The following ADGRB1 variants were observed in gnomAD, a reference collection of about 807,000 sequenced individuals.
ADGRB1 encodes the protein brain-specific angiogenesis inhibitor 1.
Under a neutral mutation model 175.7 loss-of-function variants are expected in ADGRB1, and 36 were observed. The ratio of observed to expected loss-of-function variants is 0.20; its 90% CI spans 0.16 to 0.27. ADGRB1 has a LOEUF of 0.27. Ranked by LOEUF, ADGRB1 falls within the 10% of genes least tolerant of loss-of-function variation. ADGRB1 has a pLI of 1.00. For synonymous variants in ADGRB1, 1,054 were observed against 979.4 expected (o/e 1.08, Z -1.42); for missense variants, 1,731 against 2,255.3 (o/e 0.77, Z 4.71).
intron 24 of ADGRB1, among the ~76,000 whole-genome samples, chr8:142,528,556 C>A (rs772718055): frequency 6.6e-6 from 1 of 152,048 alleles, no homozygotes; most frequent in East Asian, 1.9e-4. Flanking sequence ...CAGCCGTCCC[C>A]GCACCCCCTC....
At chr8:142,539,161 C>T (rs1413915016) in intron 26 of ADGRB1, among the ~76,000 whole-genome samples, 2 of 152,168 alleles carry the variant, frequency 1.3e-5, no homozygotes, top group African/African-American at 2.4e-5. Context: ...CGCATACACT[C>T]ACACACGCAT....
Position 142,464,914 on chromosome 8 carries a change from C to A in ADGRB1, c.716C>A (p.Ala239Glu). 6.5e-7 allele frequency: 1 copy of A among 1,529,060 alleles called. No homozygotes were observed. The highest frequency in any genetic ancestry group is 8.7e-7 in the Non-Finnish European group (1 of 1,143,282). 94.7% of individuals were successfully genotyped at this position (1,529,060 alleles called of 1,614,324 possible). ...CGCGGGGATGTCTGCTTGAGAGATG[C>A]GGTGGCTGGTGGCCCTGAAAACTGC... is the stretch of plus-strand genomic sequence containing the variant. ...APRGDVCLRD[A>E]VAGGPENCLT... The change falls in exon 2 of 31, where the codon GCG becomes GAG. Residue 239 changes from alanine (A) to glutamate (E), a missense_variant. Physicochemically the swap from Ala to Glu is moderately radical, Grantham distance 107. Transcript: ENST00000517894.
At chr8:142,457,853 C>T (rs1408520332) in intron 1 of ADGRB1, among the ~76,000 whole-genome samples, 1 of 152,176 alleles carries the variant, frequency 6.6e-6, no homozygotes, top group Non-Finnish European at 1.5e-5. Context: ...GTCAGGGGCC[C>T]TGCCAGGACC....
intron 2 of ADGRB1, 54 bp downstream of exon 2, chr8:142,465,036 GC>G: frequency 6.1e-6 from 6 of 977,496 alleles, no homozygotes; most frequent in South Asian, 1.9e-5. Flanking sequence ...GACAGGGGAG[GC>G]GGGCAGACAG....
At chr8:142,494,853 T>G (rs1316733086) in intron 17 of ADGRB1, among the ~76,000 whole-genome samples, 1 of 151,762 alleles carries the variant, frequency 6.6e-6, no homozygotes, top group Non-Finnish European at 1.5e-5. Flanking sequence ...GGAATGGGGA[T>G]GCTAGGGAGG....
chr8:142,519,132 G>A (rs1002768124), intron 19 of ADGRB1, among the ~76,000 whole-genome samples: 6 of 152,134 alleles, frequency 3.9e-5, no homozygotes, highest in Non-Finnish European at 8.8e-5. Flanking sequence ...TCCTCTTCCC[G>A]GGACCTGCCT....
At chr8:142,472,778 A>G (rs1178477276) in intron 2 of ADGRB1, among the ~76,000 whole-genome samples, 1 of 152,188 alleles carries the variant, frequency 6.6e-6, no homozygotes, top group Admixed American at 6.5e-5. Flanking sequence ...ATCAGAGGTC[A>G]GTCTGTGATA....
intron 13 of ADGRB1, among the ~76,000 whole-genome samples, chr8:142,485,023 T>G (rs1356135916): frequency 6.6e-6 from 1 of 152,186 alleles, no homozygotes; most frequent in Non-Finnish European, 1.5e-5. Flanking sequence ...TGTACCCACC[T>G]GGGGCCAGAG....
At chr8:142,501,167 T>C (rs1181784303) in intron 17 of ADGRB1, among the ~76,000 whole-genome samples, 1 of 152,126 alleles carries the variant, frequency 6.6e-6, no homozygotes, top group Non-Finnish European at 1.5e-5. Flanking sequence ...CTGGTGACCA[T>C]GGGTGACCGG....
At chr8:142,488,994 TG>T in intron 14 of ADGRB1, 40 bp from the exon 15 acceptor site, 1 of 1,597,590 alleles carries the variant, frequency 6.3e-7, no homozygotes, top group African/African-American at 1.3e-5. Flanking sequence ...ACCCTGGCTG[TG>T]GGGATGGCGG....
At chr8:142,518,293 C>G in intron 19 of ADGRB1, 52 bp downstream of exon 19, 1 of 1,569,690 alleles carries the variant, frequency 6.4e-7, no homozygotes, top group Non-Finnish European at 8.7e-7. Context: ...CTGCATCACA[C>G]GCCTCTTCCC....
Position 142,511,810 on chromosome 8 carries a change from C to G in ADGRB1, c.2817+737C>G, listed in dbSNP as rs773132282. ...CACAGCCCTCTACTGGGGCCCAGGCCGAGGCCCAGGACAGCCCACAGAGCA... is the reference window on the plus strand; with the variant it reads ...CACAGCCCTCTACTGGGGCCCAGGCGGAGGCCCAGGACAGCCCACAGAGCA... On this transcript the variant is annotated intron_variant, in intron 18 of 30. Transcript: ENST00000517894. This position sits in a 1 kb window ranked among gnomAD's most constrained non-coding sequence, Gnocchi z 4.5. Among the ~76,000 whole-genome samples the G allele has an allele frequency of 1.3e-5, 2 of 152,188 alleles. No homozygotes were observed. The highest frequency in any genetic ancestry group is 6.5e-5 in the Admixed American group (1 of 15,294).
chr8:142,477,890 G>C (rs1841070863), intron 6 of ADGRB1, among the ~76,000 whole-genome samples: 1 of 145,848 alleles, frequency 6.9e-6, no homozygotes, highest in African/African-American at 2.6e-5. Flanking sequence ...GGTGGCCCCA[G>C]GGTGTTCTCA....
At chr8:142,465,347 A>AG (rs1247411195) in intron 2 of ADGRB1, among the ~76,000 whole-genome samples, 1 of 152,104 alleles carries the variant, frequency 6.6e-6, no homozygotes, top group Non-Finnish European at 1.5e-5. Context: ...TGGCTGGGAG[A>AG]GGGCCCGCCC....
At chr8:142,502,405 G>GTGA (rs1563719006) in intron 17 of ADGRB1, among the ~76,000 whole-genome samples, 5 of 83,102 alleles carry the variant, frequency 6.0e-5, no homozygotes, top group South Asian at 4.6e-4. Flanking sequence ...GGTGATGGTG[G>GTGA]TGGTGGTGGT....
intron 6 of ADGRB1, 87 bp downstream of exon 6, chr8:142,477,636 C>G: frequency 2.7e-6 from 4 of 1,483,808 alleles, no homozygotes; most frequent in Non-Finnish European, 3.6e-6. Flanking sequence ...AGGAGCCCAG[C>G]TTTGCCCACT....
At chr8:142,484,794 A>C in intron 13 of ADGRB1, 30 bp downstream of exon 13, 3 of 1,515,680 alleles carry the variant, frequency 2.0e-6, no homozygotes, top group Non-Finnish European at 2.7e-6. Flanking sequence ...GCCACCCCCC[A>C]TGCCTTGCTT....
chr8:142,491,320 C>T (rs536587249), intron 17 of ADGRB1, among the ~76,000 whole-genome samples: 4 of 152,256 alleles, frequency 2.6e-5, no homozygotes, highest in African/African-American at 4.8e-5. Context: ...TGTTGGGTGC[C>T]GGCTGGCCCA....
chr8:142,518,925 C>T (rs866535510), intron 19 of ADGRB1, among the ~76,000 whole-genome samples: 3 of 152,216 alleles, frequency 2.0e-5, no homozygotes, highest in African/African-American at 4.8e-5. Context: ...CTGCAGGCAG[C>T]GCGATGTCAG....
Sources: allele counts gnomAD v4.1 joint callset (sites outside exome capture counted in the v4.1 genomes callset), GRCh38; gene constraint gnomAD v4.1.1; non-coding constraint Gnocchi (gnomAD v3.1); transcripts MANE v1.5; gene names NCBI Gene and HGNC (gene_info 2026-07-23, HGNC 2026-07-21).